Variants in DET1 observed in about 807,000 individuals in gnomAD.
DET1 encodes DET1 homolog.
A neutral mutation model predicts 43.7 loss-of-function variants in DET1; 22 were observed. The ratio of observed to expected loss-of-function variants is 0.50; its 90% CI spans 0.36 to 0.72. The LOEUF is 0.72. DET1 is among the 30% of genes least tolerant of loss of function. The pLI is 0.00. For synonymous variants in DET1, 315 were observed against 266.2 expected (o/e 1.18, Z -1.79); for missense variants, 713 against 713.3 (o/e 1.00, Z 0.00).
intron 1 of DET1, among the ~76,000 whole-genome samples, chr15:88,541,318 T>C (rs1598351213): frequency 6.6e-6 from 1 of 151,990 alleles, no homozygotes; most frequent in East Asian, 1.9e-4. Flanking sequence ...CACATCCTCC[T>C]CTTTGAGAAA....
chr15:88,529,111 A>T (rs1044342947), intron 2 of DET1, among the ~76,000 whole-genome samples: 1 of 152,232 alleles, frequency 6.6e-6, no homozygotes, highest in South Asian at 2.1e-4. Context: ...CCTACCAGAA[A>T]AAACTAGGCC....
chr15:88,513,422 C>T (rs1172466419), intron 4 of DET1, among the ~76,000 whole-genome samples: 2 of 152,028 alleles, frequency 1.3e-5, no homozygotes, highest in South Asian at 2.1e-4. Flanking sequence ...ATAGCCTCTC[C>T]GCTTCCAGAC....
chr15:88,510,717 G>A (rs1020091580), downstream of DET1, among the ~76,000 whole-genome samples: 5 of 151,490 alleles, frequency 3.3e-5, no homozygotes, highest in African/African-American at 1.2e-4. Flanking sequence ...TCCCTCGTAA[G>A]TTGAGAAGCA....
chr15:88,534,463 G>T (rs1205934604), intron 1 of DET1, among the ~76,000 whole-genome samples: 1 of 152,190 alleles, frequency 6.6e-6, no homozygotes, highest in Non-Finnish European at 1.5e-5. Context: ...CAAGTGTGTT[G>T]CAAGGAAGGA....
chr15:88,533,379 G>T (rs189200383), intron 1 of DET1, among the ~76,000 whole-genome samples: 150 of 152,248 alleles, frequency 9.9e-4, no homozygotes, highest in African/African-American at 3.4e-3. Context: ...CAGTATGAAG[G>T]TTCCTTGAAG....
chr15:88,527,740 G>A lies in DET1; in HGVS notation c.1130C>T (p.Ala377Val). ...VYNMVTTEVI[A>V]VFENTSDELL... ...CTCATCTGATGTATTCTCAAACACA[G>A]CAATCACCTCTGTCGTCACCATATT... Residue 377 changes from alanine to valine, a missense_variant, in exon 3 of 5, where the codon GCT (alanine) becomes GTT (valine). Physicochemically the swap from Ala to Val is moderately conservative, Grantham distance 64. Transcript: ENST00000268148. 11 of 1,613,134 alleles carry A rather than the reference G, an allele frequency of 6.8e-6. No homozygotes were observed. Among genetic ancestry groups the A allele is most frequent in the Non-Finnish European group, 9.3e-6 (11 of 1,179,588 alleles).
chr15:88,543,085 A>T (rs1333221822), intron 1 of DET1, among the ~76,000 whole-genome samples: 1 of 152,174 alleles, frequency 6.6e-6, no homozygotes, highest in East Asian at 1.9e-4. Flanking sequence ...TCAAAATCTG[A>T]AAAAGACTTT....
At chr15:88,524,533 G>A (rs1038318817) in intron 3 of DET1, among the ~76,000 whole-genome samples, 29 of 152,290 alleles carry the variant, frequency 1.9e-4, no homozygotes, top group African/African-American at 7.0e-4. Context: ...GGAAATGTGG[G>A]GAAAAGAAAG....
At chr15:88,534,995 G>C (rs1388612785) in intron 1 of DET1, among the ~76,000 whole-genome samples, 2 of 152,298 alleles carry the variant, frequency 1.3e-5, no homozygotes, top group African/African-American at 4.8e-5. Context: ...ACAAAAGTTG[G>C]AATTCTCTGA....
At chr15:88,515,962 G>A (rs1157128172) in intron 4 of DET1, among the ~76,000 whole-genome samples, 5 of 152,144 alleles carry the variant, frequency 3.3e-5, no homozygotes, top group Non-Finnish European at 7.4e-5. Flanking sequence ...TTTGGAACTT[G>A]ACTCTAATTT....
downstream of DET1, chr15:88,511,299 T>C (rs1211110444): frequency 3.3e-6 from 2 of 597,458 alleles, no homozygotes; most frequent in African/African-American, 4.1e-5. Context: ...ATTCGTATTA[T>C]GTCTTCTACT....
chr15:88,543,978 G>A (rs1025370789), intron 1 of DET1, among the ~76,000 whole-genome samples: 10 of 152,190 alleles, frequency 6.6e-5, no homozygotes, highest in African/African-American at 2.4e-4. Flanking sequence ...AAACCACACC[G>A]GGCTAGGTAC....
chr15:88,513,861 G>A (rs1262561668), intron 4 of DET1, among the ~76,000 whole-genome samples: 3 of 138,878 alleles, frequency 2.2e-5, no homozygotes, highest in Admixed American at 1.5e-4. Flanking sequence ...GTGCAGTGGC[G>A]CGATCTCGGC....
chr15:88,542,539 G>A (rs2057137929), intron 1 of DET1, among the ~76,000 whole-genome samples: 1 of 152,140 alleles, frequency 6.6e-6, no homozygotes, highest in Non-Finnish European at 1.5e-5. Context: ...TGAGGCTCAG[G>A]CAGCCCTGGA....
At chr15:88,543,964 AG>A (rs2142350923) in intron 1 of DET1, among the ~76,000 whole-genome samples, 1 of 152,342 alleles carries the variant, frequency 6.6e-6, no homozygotes, top group South Asian at 2.1e-4. Flanking sequence ...ACTTTACAGA[AG>A]TAAAACCACA....
At position 88,504,188 on chromosome 15, in the gene DET1, A is replaced by G. The variant is rs2056115534; in HGVS notation, c.*2066-201T>C. 1.3e-5 allele frequency: 2 copies of G among 152,154 alleles called. No individual in the cohort carries two copies. The highest frequency in any genetic ancestry group is 1.3e-4 in the Admixed American group (2 of 15,278). The allele number at this position is 152,154 out of a possible 1,614,324, so 9.4% of individuals were successfully genotyped here. On this transcript the variant is annotated intron_variant and NMD_transcript_variant, in intron 7 of 8. Coordinates refer to the DET1 transcript ENST00000557842. The surrounding 1 kb of genome is among the most constrained non-coding windows in gnomAD (Gnocchi z 4.7). Reference sequence around the variant, plus strand: ...CAGCAGGAAGCCTCAGTTCCTCAGCAAGGAGATCTCTCCAGGAGCTTGCCT... The same window carrying G: ...CAGCAGGAAGCCTCAGTTCCTCAGCGAGGAGATCTCTCCAGGAGCTTGCCT...
downstream of DET1, among the ~76,000 whole-genome samples, chr15:88,507,983 T>G (rs979848031): frequency 2.8e-4 from 42 of 152,102 alleles, no homozygotes; most frequent in Admixed American, 2.0e-4. Flanking sequence ...CCCGTCAGAT[T>G]AGCGGCGGCA....
At chr15:88,506,572 T>A (rs200696186) in intron 7 of DET1, among the ~76,000 whole-genome samples, 3 of 14,620 alleles carry the variant, frequency 2.1e-4, no homozygotes, top group African/African-American at 9.8e-4. Flanking sequence ...CAGAGAACCG[T>A]TTATGCTGAT....
chr15:88,510,649 C>T (rs996867738), downstream of DET1, among the ~76,000 whole-genome samples: 1 of 152,154 alleles, frequency 6.6e-6, no homozygotes, highest in Non-Finnish European at 1.5e-5. Context: ...TGGGATTATG[C>T]CCAGGTAAAC....
Sources: gnomAD v4.1 joint callset for allele counts (sites outside exome capture counted in the v4.1 genomes callset) on GRCh38, gnomAD v4.1.1 for gene constraint, Gnocchi (gnomAD v3.1) non-coding constraint, MANE v1.5 for transcripts, NCBI Gene and HGNC (gene_info 2026-07-23, HGNC 2026-07-21) for gene names.